The following MACROD2 variants were observed in gnomAD, a reference collection of about 807,000 sequenced individuals.
MACROD2 encodes the protein mono-ADP ribosylhydrolase 2, also known as ADP-ribose glycohydrolase MACROD2.
MACROD2 carries 36 observed loss-of-function variants against 70.4 expected under a neutral mutation model. The ratio of observed to expected loss-of-function variants is 0.51; its 90% CI spans 0.39 to 0.68. MACROD2 has a LOEUF of 0.68. Ranked by LOEUF, MACROD2 falls within the 30% of genes least tolerant of loss-of-function variation. The pLI, the probability that MACROD2 is intolerant of heterozygous loss-of-function variation, is 0.00. For synonymous variants in MACROD2, 172 were observed against 178.8 expected (o/e 0.96, Z 0.30); for missense variants, 496 against 538.4 (o/e 0.92, Z 0.78).
intron 6 of MACROD2, among the ~76,000 whole-genome samples, chr20:15,350,291 A>G (rs1022527697): frequency 3.3e-5 from 5 of 152,216 alleles, no homozygotes; most frequent in African/African-American, 9.6e-5. Flanking sequence ...CCTCATTTAC[A>G]TAGGCTAATA....
intron 7 of MACROD2, among the ~76,000 whole-genome samples, chr20:15,460,999 TATATA>T (rs1384256930): frequency 0.015 from 1,294 of 85,526 alleles, 82 homozygotes; most frequent in African/African-American, 0.052. Flanking sequence ...TATATATATA[TATATA>T]TATTTTTTTT....
chr20:14,222,664 A>C (rs1281689971), intron 3 of MACROD2, among the ~76,000 whole-genome samples: 2 of 152,096 alleles, frequency 1.3e-5, no homozygotes, highest in South Asian at 4.2e-4. Context: ...ATATAAGCCC[A>C]TTTTCTTTTA....
chr20:14,484,388 A>G (rs555854304), intron 3 of MACROD2, among the ~76,000 whole-genome samples: 1 of 152,292 alleles, frequency 6.6e-6, no homozygotes, highest in Non-Finnish European at 1.5e-5. Context: ...TAATCCCATC[A>G]GGGTAAATGG....
chr20:15,969,852 G>C (rs973019788), intron 13 of MACROD2, among the ~76,000 whole-genome samples: 1 of 151,446 alleles, frequency 6.6e-6, no homozygotes, highest in African/African-American at 2.4e-5. Flanking sequence ...TGAACTCTAA[G>C]CAGAATAAAT....
rs923181291 is a variant in MACROD2 at position 14,482,426 on chromosome 20, A to G, written c.272-11053A>G. Among the ~76,000 whole-genome samples the G allele has an allele frequency of 2.0e-5, 3 of 151,446 alleles. No homozygotes were observed. In the East Asian group the frequency reaches 5.9e-4, roughly 30 times the overall value. On this transcript the variant is annotated intron_variant, in intron 3 of 17. Transcript: ENST00000684519. ...TAATTTCCACTTTATTCCTTACTCT[A>G]TATTCCTTACTATATTACTTACACT...
At chr20:14,931,398 T>C (rs539130283) in intron 5 of MACROD2, among the ~76,000 whole-genome samples, 1 of 152,256 alleles carries the variant, frequency 6.6e-6, no homozygotes, top group South Asian at 2.1e-4. Context: ...CCCTGATCCC[T>C]GTATAGTCTG....
intron 3 of MACROD2, among the ~76,000 whole-genome samples, chr20:14,393,772 T>C (rs1317001364): frequency 6.6e-6 from 1 of 152,186 alleles, no homozygotes; most frequent in African/African-American, 2.4e-5. Flanking sequence ...CCAGAATTCA[T>C]GTGTTGAAGC....
chr20:15,360,474 A>G (rs1412790513), intron 6 of MACROD2, among the ~76,000 whole-genome samples: 1 of 152,186 alleles, frequency 6.6e-6, no homozygotes, highest in South Asian at 2.1e-4. Flanking sequence ...TAAATGAGAA[A>G]GAATACTATA....
chr20:14,014,162 A>G (rs2052954038), intron 2 of MACROD2, among the ~76,000 whole-genome samples: 1 of 152,122 alleles, frequency 6.6e-6, no homozygotes, highest in Non-Finnish European at 1.5e-5. Flanking sequence ...GCGTGAACAG[A>G]TATTTTGACA....
intron 6 of MACROD2, among the ~76,000 whole-genome samples, chr20:15,401,307 G>A (rs1388552553): frequency 6.6e-6 from 1 of 152,132 alleles, no homozygotes. Flanking sequence ...CAAAGTGCTG[G>A]GATTACAGGC....
chr20:14,442,269 C>G (rs2084132522), intron 3 of MACROD2, among the ~76,000 whole-genome samples: 4 of 151,684 alleles, frequency 2.6e-5, no homozygotes, highest in African/African-American at 9.7e-5. Context: ...GACTCCATGT[C>G]AAAACAAACA....
At position 15,150,247 on chromosome 20, in the gene MACROD2, T is replaced by C. The variant is rs190100661; in HGVS notation, c.419-79693T>C. Among the ~76,000 whole-genome samples, 146 of 151,934 alleles carry C rather than the reference T, an allele frequency of 9.6e-4. 2 individuals are homozygous for C. Among genetic ancestry groups the C allele is most frequent in the African/African-American group, 3.3e-3 (138 of 41,318 alleles). ...TGAGCCTGATGGGTGTCAGGGTCAG[T>C]ACAAGTGAAAGCGAAGAGAGGCTGG... On this transcript the variant is annotated intron_variant, in intron 5 of 17. Transcript: ENST00000684519.
intron 10 of MACROD2, among the ~76,000 whole-genome samples, chr20:15,923,681 C>T (rs539606078): frequency 2.0e-4 from 30 of 151,458 alleles, no homozygotes; most frequent in Admixed American, 1.0e-3. Flanking sequence ...AGGACCAGTA[C>T]TCCAGATAGA....
chr20:14,210,914 C>G (rs6042586), intron 3 of MACROD2, among the ~76,000 whole-genome samples: 1,968 of 152,174 alleles, frequency 0.013, 41 homozygotes, highest in African/African-American at 0.045. Flanking sequence ...CTGAGAACAC[C>G]AAGTACAGTG....
chr20:14,389,467 A>G (rs1178213423), intron 3 of MACROD2, among the ~76,000 whole-genome samples: 5 of 145,444 alleles, frequency 3.4e-5, no homozygotes, highest in Non-Finnish European at 7.5e-5. Flanking sequence ...TCAATTGCCC[A>G]GGCCGGAGTG....
At chr20:15,428,709 GTCA>G (rs2046329858) in intron 6 of MACROD2, among the ~76,000 whole-genome samples, 1 of 152,032 alleles carries the variant, frequency 6.6e-6, no homozygotes, top group Non-Finnish European at 1.5e-5. Flanking sequence ...GCATCTTTCA[GTCA>G]TCATTTTCTT....
Position 14,182,336 on chromosome 20 carries a change from TTTA to T in MACROD2, c.271+96614_271+96616del, listed in dbSNP as rs1260974966. ...TTTTTTGTTGATTTATTTAGTCTTT[TTTA>T]TTATTGAGTTGTTAGGTTTTTTCAT... On this transcript the variant is annotated intron_variant, in intron 3 of 17. Coordinates refer to ENST00000684519, the MANE Select transcript of MACROD2 (RefSeq NM_001351661.2). Among the ~76,000 whole-genome samples, 5 of 152,310 alleles carry T rather than the reference TTTA, an allele frequency of 3.3e-5. No individual in the cohort carries two copies. In the South Asian group the frequency reaches 8.3e-4, roughly 25 times the overall value.
intron 2 of MACROD2, among the ~76,000 whole-genome samples, chr20:14,039,454 C>G (rs2053359047): frequency 1.3e-5 from 2 of 151,962 alleles, no homozygotes; most frequent in Admixed American, 1.3e-4. Flanking sequence ...TTTCTTTAAT[C>G]TTAACAAACC....
At chr20:15,104,844 G>A (rs1407150684) in intron 5 of MACROD2, among the ~76,000 whole-genome samples, 1 of 152,132 alleles carries the variant, frequency 6.6e-6, no homozygotes, top group Non-Finnish European at 1.5e-5. Context: ...TTCTTGGTTA[G>A]TAAATAGGCC....
Sources: allele counts gnomAD v4.1 joint callset (sites outside exome capture counted in the v4.1 genomes callset), GRCh38; gene constraint gnomAD v4.1.1; transcripts MANE v1.5; gene names NCBI Gene and HGNC (gene_info 2026-07-23, HGNC 2026-07-21).